Variants in TOGARAM2 observed in about 807,000 individuals in gnomAD.
TOGARAM2 encodes the protein TOG array regulator of axonemal microtubules protein 2.
A neutral mutation model predicts 93.3 loss-of-function variants in TOGARAM2; 85 were observed. That is an observed-to-expected ratio of 0.91 (90% CI 0.76 to 1.09). The LOEUF (loss-of-function observed/expected upper bound fraction) is 1.09, where lower values mean the gene tolerates loss of function less well. Among genes scored for constraint, TOGARAM2 ranks in the 50% least tolerant of loss-of-function variants. The probability of loss-of-function intolerance (pLI) is 0.00; values close to 1 mark genes in which losing one functional copy is unlikely to be tolerated. For missense variants in TOGARAM2, 1,277 were observed against 1,334.5 expected (o/e 0.96, Z 0.67); for synonymous variants, 593 against 552.8 (o/e 1.07, Z -1.02).
chr2:29,018,446 A>G lies in TOGARAM2; in HGVS notation c.1360+490A>G, dbSNP rs138655575. 5.5e-3 allele frequency: 847 copies of G among 153,172 alleles called. 9 individuals are homozygous for G. The highest frequency in any genetic ancestry group is 0.02 in the African/African-American group (810 of 41,372). The allele number at this position is 153,172 out of a possible 1,614,324, so 9.5% of individuals were successfully genotyped here. A position where few individuals can be genotyped will look rare whatever the true frequency, so the allele number is the denominator to read the frequency against. ...TGGGACATGGGGACGCTCTGTCCCC[A>G]TTCTACCAGAGGAGCTTCTATGTTG... On this transcript the variant is annotated intron_variant, in intron 10 of 19. Coordinates refer to ENST00000379558, the MANE Select transcript of TOGARAM2 (RefSeq NM_199280.4).
At chr2:29,008,832 C>T (rs1364286179) in intron 6 of TOGARAM2, among the ~76,000 whole-genome samples, 1 of 152,238 alleles carries the variant, frequency 6.6e-6, no homozygotes, top group Non-Finnish European at 1.5e-5. Flanking sequence ...TCAAAAACCT[C>T]TGTGGCTTCT....
chr2:29,030,138 T>C (rs1363031931), intron 14 of TOGARAM2, among the ~76,000 whole-genome samples: 1 of 152,116 alleles, frequency 6.6e-6, no homozygotes, highest in African/African-American at 2.4e-5. Context: ...TAGCCGGGCA[T>C]GGTAGCACGT....
chr2:29,013,192 CT>C (rs1436713060), intron 7 of TOGARAM2, among the ~76,000 whole-genome samples: 2 of 152,170 alleles, frequency 1.3e-5, no homozygotes, highest in African/African-American at 4.8e-5. Context: ...AGAAATGTAC[CT>C]TTAAAATCCG....
At chr2:28,974,484 G>C (rs1572619639) in intron 1 of TOGARAM2, among the ~76,000 whole-genome samples, 2 of 152,118 alleles carry the variant, frequency 1.3e-5, no homozygotes, top group East Asian at 3.8e-4. Flanking sequence ...CATATTTGGA[G>C]AGTTTCCAGC....
intron 1 of TOGARAM2, among the ~76,000 whole-genome samples, chr2:28,975,609 A>G (rs1429037214): frequency 6.6e-6 from 1 of 152,186 alleles, no homozygotes; most frequent in African/African-American, 2.4e-5. Context: ...AATCTGTGTC[A>G]TCTGGGCGCT....
intron 2 of TOGARAM2, among the ~76,000 whole-genome samples, chr2:28,996,436 T>A (rs1283775182): frequency 6.6e-6 from 1 of 152,184 alleles, no homozygotes; most frequent in Admixed American, 6.5e-5. Flanking sequence ...CATTCTGTTC[T>A]CTGCCTCTGT....
intron 8 of TOGARAM2, among the ~76,000 whole-genome samples, chr2:29,016,165 C>A (rs1483344875): frequency 6.6e-6 from 1 of 152,222 alleles, no homozygotes; most frequent in African/African-American, 2.4e-5. Flanking sequence ...CTCAGGTCAA[C>A]CACCTCGGGC....
At chr2:29,016,516 G>A (rs925487459) in intron 8 of TOGARAM2, among the ~76,000 whole-genome samples, 9 of 152,194 alleles carry the variant, frequency 5.9e-5, no homozygotes, top group Middle Eastern at 3.2e-3. Context: ...TTGTTCTTGC[G>A]TCTTAAACTA....
chr2:28,969,847 T>G (rs1225977008), intron 1 of TOGARAM2, among the ~76,000 whole-genome samples: 3 of 149,646 alleles, frequency 2.0e-5, no homozygotes, highest in Non-Finnish European at 3.0e-5. Flanking sequence ...AGTTTCGCTC[T>G]TATTGCCCAG....
chr2:29,026,470 T>C (rs929377808), intron 13 of TOGARAM2, among the ~76,000 whole-genome samples: 1 of 151,986 alleles, frequency 6.6e-6, no homozygotes, highest in African/African-American at 2.4e-5. Flanking sequence ...TAATTCTGCC[T>C]GTGGGGCTGG....
chr2:29,007,018 G>C (rs80000797), intron 6 of TOGARAM2, among the ~76,000 whole-genome samples: 2,002 of 152,060 alleles, frequency 0.013, 37 homozygotes, highest in African/African-American at 0.04. Flanking sequence ...CCTGCTTCTC[G>C]ACCTTCCAGG....
intron 13 of TOGARAM2, among the ~76,000 whole-genome samples, chr2:29,025,519 T>TTGATCAC (rs1319978188): frequency 6.6e-6 from 1 of 152,018 alleles, no homozygotes; most frequent in Non-Finnish European, 1.5e-5. Context: ...GGACAGGCAA[T>TTGATCAC]TGATCACTGT....
At chr2:28,973,088 C>T (rs768762491) in intron 1 of TOGARAM2, among the ~76,000 whole-genome samples, 7 of 152,160 alleles carry the variant, frequency 4.6e-5, no homozygotes, top group Non-Finnish European at 8.8e-5. Context: ...GTCTAGAGTC[C>T]TGCACCTTCA....
chr2:28,976,874 T>G (rs1236387769), upstream of TOGARAM2, among the ~76,000 whole-genome samples: 1 of 152,232 alleles, frequency 6.6e-6, no homozygotes, highest in Non-Finnish European at 1.5e-5. Context: ...CCACCCAGCC[T>G]GTGGTACTGA....
At chr2:28,961,961 C>G (rs1671809477) in intron 1 of TOGARAM2, among the ~76,000 whole-genome samples, 1 of 152,078 alleles carries the variant, frequency 6.6e-6, no homozygotes, top group African/African-American at 2.4e-5. Context: ...TTCCTTACAA[C>G]TTAAGTAGTT....
intron 1 of TOGARAM2, among the ~76,000 whole-genome samples, chr2:28,991,041 G>T (rs1018015437): frequency 1.4e-4 from 16 of 115,720 alleles, no homozygotes; most frequent in South Asian, 5.9e-4. Context: ...TGTGTGTGTG[G>T]CTTTTCCCCA....
At chr2:29,014,997 C>T (rs1267333585) in intron 8 of TOGARAM2, among the ~76,000 whole-genome samples, 2 of 152,182 alleles carry the variant, frequency 1.3e-5, no homozygotes, top group East Asian at 1.9e-4. Flanking sequence ...GGCTGTGCTC[C>T]AGGGACTGGC....
chr2:29,032,432 A>G (rs998697343), intron 14 of TOGARAM2, among the ~76,000 whole-genome samples: 4 of 152,038 alleles, frequency 2.6e-5, no homozygotes, highest in African/African-American at 9.7e-5. Flanking sequence ...TGATTCCCTC[A>G]CCTGCCACCA....
At chr2:29,049,453 T>C (rs1018232918) in intron 19 of TOGARAM2, 3 of 152,252 alleles carry the variant, frequency 2.0e-5, no homozygotes, top group Non-Finnish European at 4.4e-5. Context: ...ATCTCTGTGT[T>C]CTCACCTATT....
Sources: gnomAD v4.1 joint callset for allele counts (sites outside exome capture counted in the v4.1 genomes callset) on GRCh38, gnomAD v4.1.1 for gene constraint, MANE v1.5 for transcripts, NCBI Gene and HGNC (gene_info 2026-07-23, HGNC 2026-07-21) for gene names.